MLIP: variants seen among roughly 807,000 people sequenced by gnomAD.
MLIP encodes the protein muscular LMNA-interacting protein.
A neutral mutation model predicts 84.8 loss-of-function variants in MLIP; 79 were observed. The observed-to-expected ratio is 0.93, with a 90% confidence interval of 0.78 to 1.12. The LOEUF (loss-of-function observed/expected upper bound fraction) is 1.12, where lower values mean the gene tolerates loss of function less well. Ranked by LOEUF, MLIP falls within the 50% of genes most tolerant of loss-of-function variation. The pLI is 0.00. For missense variants in MLIP, 1,257 were observed against 1,160.6 expected, an observed-to-expected ratio of 1.08 and a Z score of -1.21; for synonymous variants, 504 against 463.0, an observed-to-expected ratio of 1.09 and a Z score of -1.14.
At chr6:54,170,625 A>G (rs1447885208) in intron 9 of MLIP, among the ~76,000 whole-genome samples, 1 of 151,516 alleles carries the variant, frequency 6.6e-6, no homozygotes, top group Non-Finnish European at 1.5e-5. Flanking sequence ...TAACTGTCTG[A>G]TTCTGGGAAA....
chr6:54,038,677 T>G (rs1764580317), intron 1 of MLIP, among the ~76,000 whole-genome samples: 1 of 151,902 alleles, frequency 6.6e-6, no homozygotes, highest in Admixed American at 6.6e-5. Context: ...CCATTCTTTC[T>G]GACACTTTGC....
chr6:54,180,098 G>GT (rs1441931150), intron 9 of MLIP, among the ~76,000 whole-genome samples: 5 of 151,912 alleles, frequency 3.3e-5, no homozygotes, highest in Non-Finnish European at 5.9e-5. Context: ...TTTTGTTGTT[G>GT]TTGTTTGTTT....
At chr6:54,236,550 C>A (rs1008868715) in intron 12 of MLIP, among the ~76,000 whole-genome samples, 1 of 151,146 alleles carries the variant, frequency 6.6e-6, no homozygotes, top group Non-Finnish European at 1.5e-5. Flanking sequence ...TGCAGTGAGC[C>A]GAGATCACTC....
rs1264680805 is a variant in MLIP at position 54,069,682 on chromosome 6, AT to A, written c.63+50601del. On this transcript the variant is annotated intron_variant, in intron 1 of 12. Coordinates refer to the MLIP transcript ENST00000274897. ...GCAATAAAAAAAGGCAATATAGACA[AT>A]TTTTTTTTTCTGAATATTTTTGATC... Among the ~76,000 whole-genome samples the A allele has an allele frequency of 6.6e-3, 639 of 96,416 alleles. 90 individuals are homozygous for A. Among genetic ancestry groups the A allele is most frequent in the African/African-American group, 0.014 (544 of 38,318 alleles). 63.3% of individuals were successfully genotyped at this position (96,416 alleles called of 152,430 possible).
At chr6:54,212,513 G>A (rs1335921025) in intron 11 of MLIP, among the ~76,000 whole-genome samples, 1 of 152,174 alleles carries the variant, frequency 6.6e-6, no homozygotes, top group East Asian at 1.9e-4. Flanking sequence ...GCTCTACAGG[G>A]TTTACTATGA....
chr6:54,131,769 C>G (rs537193888), intron 3 of MLIP, among the ~76,000 whole-genome samples: 6 of 152,194 alleles, frequency 3.9e-5, no homozygotes, highest in Non-Finnish European at 8.8e-5. Flanking sequence ...TGTTGCTTAA[C>G]AAACCATGCC....
intron 1 of MLIP, chr6:54,058,986 A>G (rs1444487358): frequency 6.6e-6 from 1 of 152,226 alleles, no homozygotes; most frequent in Non-Finnish European, 1.5e-5. Flanking sequence ...TGGTTTTAAC[A>G]ACAGTATCAA....
chr6:54,019,039 A>G (rs1433330565), exon 1 of MLIP: 1 of 1,611,178 alleles, frequency 6.2e-7, no homozygotes, highest in East Asian at 2.2e-5. Context: ...ATGGAACTTG[A>G]AAAGCGTGAA....
chr6:54,237,054 G>A (rs1237892919), intron 12 of MLIP, among the ~76,000 whole-genome samples: 5 of 151,960 alleles, frequency 3.3e-5, no homozygotes, highest in African/African-American at 1.2e-4. Flanking sequence ...GAGGGTGATT[G>A]TACCTTTGTT....
At chr6:54,219,805 C>T (rs1218373432) in intron 11 of MLIP, among the ~76,000 whole-genome samples, 1 of 152,154 alleles carries the variant, frequency 6.6e-6, no homozygotes, top group East Asian at 1.9e-4. Context: ...AGTGTCAGGC[C>T]TTTCTAACTT....
chr6:54,216,082 G>A (rs1398802838), intron 11 of MLIP: 4 of 801,480 alleles, frequency 5.0e-6, no homozygotes, highest in Non-Finnish European at 6.0e-6. Flanking sequence ...CAGACACTTC[G>A]GTTGTTGCCA....
intron 12 of MLIP, among the ~76,000 whole-genome samples, chr6:54,250,081 A>T (rs1239258269): frequency 6.6e-6 from 1 of 151,954 alleles, no homozygotes; most frequent in African/African-American, 2.4e-5. Context: ...TTCACTAAGG[A>T]TGATGCGTCC....
chr6:54,250,743 A>G (rs1782418851), intron 12 of MLIP, among the ~76,000 whole-genome samples: 1 of 152,030 alleles, frequency 6.6e-6, no homozygotes, highest in Non-Finnish European at 1.5e-5. Context: ...AACCAGCCCA[A>G]TTGTGAGTAA....
intron 1 of MLIP, among the ~76,000 whole-genome samples, chr6:54,084,916 G>A (rs966518546): frequency 1.6e-4 from 24 of 152,250 alleles, no homozygotes; most frequent in African/African-American, 5.8e-4. Flanking sequence ...AGACTTGAAG[G>A]CCTTTTGAGA....
Position 54,200,642 on chromosome 6 carries a change from T to C in MLIP, c.2590-1463T>C, listed in dbSNP as rs540747241. Among the ~76,000 whole-genome samples, 9 of 146,248 alleles carry C rather than the reference T, an allele frequency of 6.2e-5. No individual in the cohort carries two copies. The South Asian group carries it at 2.1e-3, about 34-fold the overall frequency. ...TTTTTTTTTTTTTTTTTGGCAGCAC[T>C]TAATGGAGGAATATTGTTCTCATGT... On this transcript the variant is annotated intron_variant, in intron 10 of 13. Transcript: ENST00000502396.
chr6:54,139,165 G>T (rs1002993682), intron 4 of MLIP, among the ~76,000 whole-genome samples: 7 of 152,044 alleles, frequency 4.6e-5, no homozygotes, highest in African/African-American at 1.7e-4. Flanking sequence ...GGAAGTAAGA[G>T]ATTTTTTTTG....
In MLIP at chr6:54,129,849, G is replaced by A. The variant is rs555906399; in HGVS notation, c.645+4984G>A. ...AGAATAGGTGAGAGGTGACTAAGTA[G>A]TAATTCAGATTCTACATGGGCCTTC... On this transcript the variant is annotated intron_variant, in intron 3 of 13. Transcript: ENST00000502396. 3.3e-5 allele frequency among the ~76,000 whole-genome samples: 5 copies of A among 152,282 alleles called. No homozygotes were observed. In the South Asian group the frequency reaches 6.2e-4, roughly 19 times the overall value.
chr6:54,207,771 C>T (rs1779139446), intron 11 of MLIP, among the ~76,000 whole-genome samples: 1 of 152,164 alleles, frequency 6.6e-6, no homozygotes, highest in South Asian at 2.1e-4. Context: ...TTTGTTAACA[C>T]ATGATGTTTG....
chr6:54,237,312 A>T (rs1368153201), intron 12 of MLIP, among the ~76,000 whole-genome samples: 5 of 151,736 alleles, frequency 3.3e-5, no homozygotes, highest in Non-Finnish European at 5.9e-5. Context: ...TCTGGCAGTC[A>T]TTAGTTGAGG....
Sources: allele counts gnomAD v4.1 joint callset (sites outside exome capture counted in the v4.1 genomes callset), GRCh38; gene constraint gnomAD v4.1.1; transcripts MANE v1.5; gene names NCBI Gene and HGNC (gene_info 2026-07-23, HGNC 2026-07-21).